The following BMPR1A variants were observed in gnomAD, a reference collection of about 807,000 sequenced individuals.
BMPR1A encodes the protein bone morphogenetic protein receptor type-1A.
BMPR1A carries 7 observed loss-of-function variants against 66.0 expected under a neutral mutation model. The ratio of observed to expected loss-of-function variants is 0.11; its 90% CI spans 0.06 to 0.20. The LOEUF (loss-of-function observed/expected upper bound fraction) is 0.20, where lower values mean the gene tolerates loss of function less well. BMPR1A is among the 10% of genes least tolerant of loss of function. The probability of loss-of-function intolerance (pLI) is 1.00; values close to 1 mark genes in which losing one functional copy is unlikely to be tolerated. For missense variants in BMPR1A, 408 were observed against 669.1 expected (o/e 0.61, Z 4.31); for synonymous variants, 200 against 229.7 (o/e 0.87, Z 1.17).
At chr10:86,905,985 T>A (rs1162784729) in intron 7 of BMPR1A, among the ~76,000 whole-genome samples, 1 of 152,152 alleles carries the variant, frequency 6.6e-6, no homozygotes, top group Non-Finnish European at 1.5e-5. Context: ...TAATTCCAAG[T>A]TTTAGGTCCA....
rs6586043 is a variant in BMPR1A, at chr10:86,925,768, T to C, written c.*2049T>C. On this transcript the variant is annotated 3_prime_UTR_variant, in exon 13 of 13. Coordinates refer to ENST00000372037, the MANE Select transcript of BMPR1A (RefSeq NM_004329.3). ...CGGAGTCTCGCTCTGTCGCCCAGGC[T>C]GGACTGCGGACTGCAGTGGCGCAAT... 0.39 allele frequency: 56,393 copies of C among 143,442 alleles called. 13,264 individuals carry two copies. The highest frequency in any genetic ancestry group is 0.65 in the African/African-American group (22,585 of 34,762). 8.9% of individuals were successfully genotyped at this position (143,442 alleles called of 1,614,324 possible). A position where few individuals can be genotyped will look rare whatever the true frequency, so the allele number is the denominator to read the frequency against.
At chr10:86,864,823 C>T (rs543091365) in intron 2 of BMPR1A, among the ~76,000 whole-genome samples, 3 of 152,224 alleles carry the variant, frequency 2.0e-5, no homozygotes, top group Admixed American at 6.5e-5. Context: ...TCATTCTATA[C>T]GACAAATGTT....
intron 3 of BMPR1A, among the ~76,000 whole-genome samples, chr10:86,877,041 G>A (rs1179743400): frequency 6.6e-6 from 1 of 152,142 alleles, no homozygotes. Context: ...TGAAAAGACA[G>A]TACTGTTTTG....
At chr10:86,902,068 C>G (rs1339599011) in intron 7 of BMPR1A, among the ~76,000 whole-genome samples, 1 of 152,094 alleles carries the variant, frequency 6.6e-6, no homozygotes, top group Non-Finnish European at 1.5e-5. Context: ...CCATGTTGAC[C>G]AGGCTGGTCT....
chr10:86,887,225 G>A (rs1349747077), intron 3 of BMPR1A, among the ~76,000 whole-genome samples: 2 of 152,144 alleles, frequency 1.3e-5, no homozygotes, highest in Admixed American at 6.5e-5. Context: ...CACATATGTG[G>A]TTTTGATGCC....
chr10:86,911,444 T>A (rs79544201), intron 7 of BMPR1A, among the ~76,000 whole-genome samples: 8,545 of 152,136 alleles, frequency 0.056, 609 homozygotes, highest in African/African-American at 0.16. Context: ...TTGAATAATG[T>A]GCAATAAACA....
At chr10:86,799,405 A>G (rs951536159) in intron 1 of BMPR1A, among the ~76,000 whole-genome samples, 1 of 152,232 alleles carries the variant, frequency 6.6e-6, no homozygotes, top group African/African-American at 2.4e-5. Flanking sequence ...CAGGTGCTCT[A>G]CAAATAACTA....
chr10:86,863,767 C>A (rs1451129752), intron 2 of BMPR1A, among the ~76,000 whole-genome samples: 2 of 151,842 alleles, frequency 1.3e-5, no homozygotes, highest in Non-Finnish European at 2.9e-5. Flanking sequence ...CTTTTTGTGG[C>A]AGGGAAGATA....
At chr10:86,855,158 G>C (rs1842623578) in intron 2 of BMPR1A, 1 of 425,220 alleles carries the variant, frequency 2.4e-6, no homozygotes, top group Non-Finnish European at 4.2e-6. Context: ...CTGACATCAG[G>C]TGATCAACCT....
At chr10:86,782,784 T>G (rs1841457336) in intron 1 of BMPR1A, among the ~76,000 whole-genome samples, 1 of 152,140 alleles carries the variant, frequency 6.6e-6, no homozygotes, top group African/African-American at 2.4e-5. Context: ...TTGCAAATAT[T>G]TTCTCTCATT....
At chr10:86,857,692 T>C (rs1842659507) in intron 2 of BMPR1A, among the ~76,000 whole-genome samples, 1 of 147,196 alleles carries the variant, frequency 6.8e-6, no homozygotes, top group African/African-American at 2.5e-5. Context: ...CTATGGGCCT[T>C]CCCATAGGCT....
At chr10:86,762,396 T>C (rs528271895) in intron 1 of BMPR1A, among the ~76,000 whole-genome samples, 43 of 152,340 alleles carry the variant, frequency 2.8e-4, no homozygotes, top group African/African-American at 1.0e-3. Context: ...TCTTGCTATG[T>C]TTCCCAGGCT....
intron 1 of BMPR1A, among the ~76,000 whole-genome samples, chr10:86,805,729 G>T (rs1841881311): frequency 6.6e-6 from 1 of 152,038 alleles, no homozygotes; most frequent in Non-Finnish European, 1.5e-5. Flanking sequence ...CCAAAATGCT[G>T]GGATTACAGG....
At chr10:86,778,007 C>CAA (rs55951007) in intron 1 of BMPR1A, among the ~76,000 whole-genome samples, 3 of 114,264 alleles carry the variant, frequency 2.6e-5, no homozygotes, top group African/African-American at 7.5e-5. Context: ...GAGCGAAACT[C>CAA]AAAAAAAAAA....
intron 3 of BMPR1A, among the ~76,000 whole-genome samples, chr10:86,880,429 C>T (rs993987453): frequency 1.3e-5 from 2 of 152,100 alleles, no homozygotes; most frequent in Non-Finnish European, 2.9e-5. Flanking sequence ...TACCAAATGT[C>T]AGTATTTATT....
At chr10:86,887,688 A>T (rs977495130) in intron 3 of BMPR1A, among the ~76,000 whole-genome samples, 24 of 152,182 alleles carry the variant, frequency 1.6e-4, no homozygotes, top group Admixed American at 3.9e-4. Context: ...TTTCTGTGTC[A>T]CTAGATTTTT....
chr10:86,763,043 G>A (rs1841094586), intron 1 of BMPR1A, among the ~76,000 whole-genome samples: 1 of 152,062 alleles, frequency 6.6e-6, no homozygotes, highest in African/African-American at 2.4e-5. Context: ...TCACAAGCGT[G>A]AGCCACCACG....
In BMPR1A at chr10:86,927,734, C is replaced by G. The variant is rs1843763470; in HGVS notation, c.*4015C>G. On this transcript the variant is annotated 3_prime_UTR_variant, in exon 13 of 13. Transcript: ENST00000372037. ...GTATAAAATGGAAATATCATTATTG[C>G]TTCATTAGGGGAAACTGTACATAGG... 1 of 198,436 alleles carries G rather than the reference C, an allele frequency of 5.0e-6. No individual in the cohort carries two copies. Among genetic ancestry groups the G allele is most frequent in the Non-Finnish European group, 1.0e-5 (1 of 96,124 alleles). 12.3% of individuals were successfully genotyped at this position (198,436 alleles called of 1,614,324 possible).
rs985387995 is a variant in BMPR1A at position 86,926,903 on chromosome 10, G to A, written c.*3184G>A. On this transcript the variant is annotated 3_prime_UTR_variant, in exon 13 of 13. Coordinates refer to ENST00000372037, the MANE Select transcript of BMPR1A (RefSeq NM_004329.3). ...AGCTCTAGGATTAAAGGCACATTAGGGTTTCCTTCAGTTTGTTTATTCTAA... is the reference window on the plus strand; with the variant it reads ...AGCTCTAGGATTAAAGGCACATTAGAGTTTCCTTCAGTTTGTTTATTCTAA... 2.1e-5 allele frequency: 4 copies of A among 193,258 alleles called. No homozygotes were observed. The highest frequency in any genetic ancestry group is 4.3e-5 in the Non-Finnish European group (4 of 92,862). 12.0% of individuals were successfully genotyped at this position (193,258 alleles called of 1,614,324 possible).
Sources: allele counts gnomAD v4.1 joint callset (sites outside exome capture counted in the v4.1 genomes callset), GRCh38; gene constraint gnomAD v4.1.1; transcripts MANE v1.5; gene names NCBI Gene and HGNC (gene_info 2026-07-23, HGNC 2026-07-21).